The following ROBO2 variants were observed in gnomAD, a reference collection of about 807,000 sequenced individuals.
ROBO2 encodes the protein roundabout homolog 2.
ROBO2 carries 53 observed loss-of-function variants against 160.8 expected under a neutral mutation model. The ratio of observed to expected loss-of-function variants is 0.33; its 90% CI spans 0.26 to 0.41. The LOEUF (loss-of-function observed/expected upper bound fraction) is 0.41. Ranked by LOEUF, ROBO2 falls within the 10% of genes least tolerant of loss-of-function variation. ROBO2 has a pLI of 1.00. For missense variants in ROBO2, 1,577 were observed against 1,722.4 expected (o/e 0.92, Z 1.49); for synonymous variants, 664 against 611.7 (o/e 1.09, Z -1.26).
At chr3:76,990,531 T>C (rs533996863) in intron 2 of ROBO2, among the ~76,000 whole-genome samples, 13 of 152,320 alleles carry the variant, frequency 8.5e-5, no homozygotes, top group Admixed American at 7.8e-4. Flanking sequence ...CCATTGGAAC[T>C]GTTACAGTAG....
At chr3:76,753,141 T>G (rs568926494) in intron 2 of ROBO2, among the ~76,000 whole-genome samples, 1 of 152,024 alleles carries the variant, frequency 6.6e-6, no homozygotes, top group East Asian at 1.9e-4. Flanking sequence ...AACACTGTGC[T>G]GAAGTTAGGT....
At chr3:76,522,454 G>A (rs969491944) in intron 2 of ROBO2, among the ~76,000 whole-genome samples, 1 of 152,112 alleles carries the variant, frequency 6.6e-6, no homozygotes, top group Non-Finnish European at 1.5e-5. Context: ...GGCAGTATTT[G>A]TAAAAATTAA....
chr3:77,259,883 G>A (rs935876721), intron 2 of ROBO2, among the ~76,000 whole-genome samples: 1 of 152,176 alleles, frequency 6.6e-6, no homozygotes, highest in Non-Finnish European at 1.5e-5. Context: ...CAGATGCCAA[G>A]CTTTGGAATG....
At chr3:77,582,858 T>G (rs908946949) in intron 16 of ROBO2, among the ~76,000 whole-genome samples, 1 of 152,044 alleles carries the variant, frequency 6.6e-6, no homozygotes, top group African/African-American at 2.4e-5. Flanking sequence ...ATTCAGTCCC[T>G]GGTCAGGCGC....
chr3:76,217,073 C>T (rs1362580455), intron 2 of ROBO2, among the ~76,000 whole-genome samples: 5 of 152,058 alleles, frequency 3.3e-5, no homozygotes, highest in African/African-American at 4.8e-5. Flanking sequence ...GGGTACATAA[C>T]GAAATGAAGG....
chr3:77,645,937 A>G (rs1292911670), intron 25 of ROBO2, 117 bp from the exon 28 acceptor site: 2 of 622,714 alleles, frequency 3.2e-6, no homozygotes, highest in African/African-American at 1.9e-5. Flanking sequence ...TCACAAACTC[A>G]TCTATCTGAA....
At chr3:76,682,259 A>G (rs1263604301) in intron 2 of ROBO2, among the ~76,000 whole-genome samples, 1 of 152,148 alleles carries the variant, frequency 6.6e-6, no homozygotes, top group African/African-American at 2.4e-5. Flanking sequence ...TGATTCACCA[A>G]TTTAGCTTCA....
intron 2 of ROBO2, among the ~76,000 whole-genome samples, chr3:76,697,198 G>C (rs1418569159): frequency 1.3e-5 from 2 of 152,154 alleles, no homozygotes; most frequent in Non-Finnish European, 2.9e-5. Flanking sequence ...CCATGGAAGA[G>C]AGTTATTAAC....
intron 2 of ROBO2, among the ~76,000 whole-genome samples, chr3:76,498,606 G>T: frequency 6.6e-6 from 1 of 150,882 alleles, no homozygotes; most frequent in East Asian, 1.9e-4. Context: ...TAATTAAAGA[G>T]AATCTTGGCA....
At chr3:76,035,467 G>A (rs2067075604) in intron 2 of ROBO2, among the ~76,000 whole-genome samples, 1 of 151,846 alleles carries the variant, frequency 6.6e-6, no homozygotes, top group Non-Finnish European at 1.5e-5. Context: ...ATTAGAAGGT[G>A]ACTGTGATCA....
In ROBO2 at chr3:76,441,225, A is replaced by G. The variant is rs564011269; in HGVS notation, c.109+503623A>G. ...TTAAGACATGGTTTTAATTACTTGG[A>G]TAGAGAAAAGTTATCGAAGAGTTTC... is the stretch of plus-strand genomic sequence containing the variant. On this transcript the variant is annotated intron_variant, in intron 2 of 26. Transcript: ENST00000487694. 1.2e-3 allele frequency among the ~76,000 whole-genome samples: 183 copies of G among 152,254 alleles called. 2 individuals are homozygous for G. Among genetic ancestry groups the G allele is most frequent in the Admixed American group, 2.1e-3 (32 of 15,282 alleles).
chr3:76,630,673 A>G (rs2109440405), intron 2 of ROBO2, among the ~76,000 whole-genome samples: 1 of 152,338 alleles, frequency 6.6e-6, no homozygotes, highest in Admixed American at 6.5e-5. Context: ...TGAGTGGTGA[A>G]TGGAGAAATT....
At chr3:76,719,530 C>T (rs2093432293) in intron 2 of ROBO2, among the ~76,000 whole-genome samples, 1 of 152,100 alleles carries the variant, frequency 6.6e-6, no homozygotes, top group Admixed American at 6.6e-5. Context: ...TAAAAAAATC[C>T]ATCTGAAATA....
intron 2 of ROBO2, among the ~76,000 whole-genome samples, chr3:76,478,674 TTC>T (rs914880398): frequency 2.0e-5 from 3 of 148,564 alleles, no homozygotes; most frequent in African/African-American, 5.1e-5. Context: ...ACACACTTTT[TTC>T]TCTGTTTTTT....
chr3:76,775,161 G>A (rs543458196), intron 2 of ROBO2, among the ~76,000 whole-genome samples: 2 of 150,654 alleles, frequency 1.3e-5, no homozygotes, highest in African/African-American at 4.8e-5. Flanking sequence ...ATGTCTTTAT[G>A]TAGCTACATA....
At chr3:77,251,828 C>T (rs2090386252) in intron 2 of ROBO2, among the ~76,000 whole-genome samples, 1 of 152,106 alleles carries the variant, frequency 6.6e-6, no homozygotes, top group Admixed American at 6.5e-5. Flanking sequence ...TTTCGCCGTC[C>T]ACCCTGATTG....
intron 2 of ROBO2, among the ~76,000 whole-genome samples, chr3:76,113,515 C>A (rs6788501): frequency 0.086 from 13,124 of 152,016 alleles, 1,268 homozygotes; most frequent in East Asian, 0.22. Flanking sequence ...TTACATATAT[C>A]TCATCTGCAA....
At chr3:77,197,924 G>T (rs2150989860) in intron 2 of ROBO2, among the ~76,000 whole-genome samples, 1 of 152,248 alleles carries the variant, frequency 6.6e-6, no homozygotes, top group Admixed American at 6.5e-5. Flanking sequence ...TGCTCTCTTT[G>T]AAGATGGGGG....
intron 2 of ROBO2, among the ~76,000 whole-genome samples, chr3:77,324,788 A>G (rs1462765214): frequency 1.8e-5 from 1 of 54,122 alleles, no homozygotes; most frequent in Non-Finnish European, 3.1e-5. Context: ...TCTCAAAAAG[A>G]AAAAAAAAAA....
Sources: allele counts gnomAD v4.1 joint callset (sites outside exome capture counted in the v4.1 genomes callset), GRCh38; gene constraint gnomAD v4.1.1; transcripts MANE v1.5; gene names NCBI Gene and HGNC (gene_info 2026-07-23, HGNC 2026-07-21).